PIAS1: variants seen among roughly 807,000 people sequenced by gnomAD.
PIAS1 encodes the protein protein inhibitor of activated STAT 1.
A neutral mutation model predicts 71.3 loss-of-function variants in PIAS1; 6 were observed. The ratio of observed to expected loss-of-function variants is 0.08; its 90% confidence interval spans 0.05 to 0.17. PIAS1 has a LOEUF of 0.17. Among genes scored for constraint, PIAS1 ranks in the 10% least tolerant of loss-of-function variants. The pLI is 1.00. For missense variants in PIAS1, 555 were observed against 793.6 expected, an observed-to-expected ratio of 0.70 and a Z score of 3.61; for synonymous variants, 303 against 292.9, an observed-to-expected ratio of 1.03 and a Z score of -0.35.
At chr15:68,110,589 T>A (rs1385361090) in intron 2 of PIAS1, among the ~76,000 whole-genome samples, 1 of 151,728 alleles carries the variant, frequency 6.6e-6, no homozygotes, top group Non-Finnish European at 1.5e-5. Context: ...ACAGTGAAAC[T>A]TCTTCTCCAA....
intron 2 of PIAS1, among the ~76,000 whole-genome samples, chr15:68,089,874 A>T (rs1415816343): frequency 1.3e-5 from 2 of 148,722 alleles, no homozygotes; most frequent in Non-Finnish European, 3.0e-5. Flanking sequence ...TTTATTTTTT[A>T]AATTTTATTT....
chr15:68,135,041 G>A (rs1388478216), intron 2 of PIAS1, among the ~76,000 whole-genome samples: 75 of 46,308 alleles, frequency 1.6e-3, no homozygotes, highest in Non-Finnish European at 4.4e-3. Context: ...CAGTAGGGGC[G>A]GCCGGGCAGA....
rs562602395 is a variant in PIAS1 at position 68,154,534 on chromosome 15, T to C, written c.934+839T>C. On this transcript the variant is annotated intron_variant, in intron 7 of 13. Coordinates refer to ENST00000249636, the MANE Select transcript of PIAS1 (RefSeq NM_016166.3). ...TTATCAGATTTGTACTTAGGAACAC[T>C]CTGGTGGAAAGAACTAAGATAATAG... 2.0e-5 allele frequency among the ~76,000 whole-genome samples: 3 copies of C among 152,294 alleles called. No homozygotes were observed. In the East Asian group the frequency reaches 5.8e-4, roughly 29 times the overall value.
intron 1 of PIAS1, among the ~76,000 whole-genome samples, chr15:68,073,988 A>C (rs1222184661): frequency 6.6e-6 from 1 of 152,182 alleles, no homozygotes; most frequent in Non-Finnish European, 1.5e-5. Context: ...GGTGAACAAG[A>C]AGATGGTGTA....
chr15:68,064,772 A>G (rs2091998684), intron 1 of PIAS1, among the ~76,000 whole-genome samples: 1 of 152,232 alleles, frequency 6.6e-6, no homozygotes, highest in Admixed American at 6.5e-5. Flanking sequence ...TTGAATGGAA[A>G]AGTAGATGTG....
intron 2 of PIAS1, among the ~76,000 whole-genome samples, chr15:68,095,576 G>T (rs2092367564): frequency 2.0e-5 from 3 of 149,742 alleles, no homozygotes; most frequent in Admixed American, 6.7e-5. Flanking sequence ...TGTCACCCAG[G>T]TTGGAGTGCA....
chr15:68,121,539 C>T (rs2092613611), intron 2 of PIAS1, among the ~76,000 whole-genome samples: 1 of 151,924 alleles, frequency 6.6e-6, no homozygotes, highest in African/African-American at 2.4e-5. Context: ...TAAATTCTCT[C>T]TTCTCTTGCT....
chr15:68,165,947 C>T (rs1231698752), intron 8 of PIAS1, among the ~76,000 whole-genome samples: 1 of 151,972 alleles, frequency 6.6e-6, no homozygotes, highest in Non-Finnish European at 1.5e-5. Context: ...TCCTATTAAT[C>T]TCAGATGATG....
intron 2 of PIAS1, among the ~76,000 whole-genome samples, chr15:68,113,506 C>T (rs1567047332): frequency 1.3e-5 from 2 of 152,164 alleles, no homozygotes; most frequent in Admixed American, 1.3e-4. Context: ...GGACTTAAAA[C>T]AGCCTAATGG....
At chr15:68,165,958 A>G (rs1033317072) in intron 8 of PIAS1, among the ~76,000 whole-genome samples, 1 of 152,152 alleles carries the variant, frequency 6.6e-6, no homozygotes, top group African/African-American at 2.4e-5. Context: ...TCAGATGATG[A>G]TGAAGTTACT....
At position 68,131,905 on chromosome 15, in the gene PIAS1, T is replaced by TA. The variant is rs1229506048; in HGVS notation, c.470-10031dup. On this transcript the variant is annotated intron_variant, in intron 2 of 13. Transcript: ENST00000249636. ...ATTGCTGGGTATTTATTTATTAGTT[T>TA]AAAAAAAAAATCCTAGGCTGGGCGT... Among the ~76,000 whole-genome samples the TA allele has an allele frequency of 4.9e-3, 734 of 149,290 alleles. 5 individuals are homozygous for TA. The highest frequency in any genetic ancestry group is 0.016 in the African/African-American group (667 of 40,808).
intron 6 of PIAS1, among the ~76,000 whole-genome samples, chr15:68,147,397 C>T (rs1316034491): frequency 3.3e-5 from 5 of 151,796 alleles, no homozygotes; most frequent in African/African-American, 1.2e-4. Flanking sequence ...AAACTGTATC[C>T]GTGTCTGTTT....
At chr15:68,104,695 G>A (rs1421244822) in intron 2 of PIAS1, among the ~76,000 whole-genome samples, 1 of 152,176 alleles carries the variant, frequency 6.6e-6, no homozygotes, top group Admixed American at 6.5e-5. Flanking sequence ...AAGATATGAT[G>A]TGTTCCTAGC....
chr15:68,159,194 G>A (rs2092909369), intron 7 of PIAS1, among the ~76,000 whole-genome samples: 1 of 152,102 alleles, frequency 6.6e-6, no homozygotes, highest in Non-Finnish European at 1.5e-5. Context: ...CATGTTGACT[G>A]ATTACTGCAG....
chr15:68,146,902 A>G (rs1054113681), intron 6 of PIAS1, among the ~76,000 whole-genome samples: 1 of 152,196 alleles, frequency 6.6e-6, no homozygotes, highest in African/African-American at 2.4e-5. Flanking sequence ...CTTTTACTCC[A>G]CAATTGATCA....
In PIAS1 at chr15:68,178,728, C is replaced by G. The variant is rs138618431; in HGVS notation, c.1481+2074C>G. ...ATGCATCATAATATATATATTTGTT[C>G]TGTTCTTTAGACTATTAATAGTAAT... On this transcript the variant is annotated intron_variant, in intron 11 of 13. Coordinates refer to ENST00000249636, the MANE Select transcript of PIAS1 (RefSeq NM_016166.3). The surrounding 1 kb of genome is among the most constrained non-coding windows in gnomAD (Gnocchi z 4.2). 1.5e-3 allele frequency among the ~76,000 whole-genome samples: 235 copies of G among 151,954 alleles called. No homozygotes were observed. The highest frequency in any genetic ancestry group is 4.9e-3 in the African/African-American group (203 of 41,438).
intron 2 of PIAS1, among the ~76,000 whole-genome samples, chr15:68,103,224 ACCCT>A (rs1457709937): frequency 2.0e-5 from 3 of 151,490 alleles, no homozygotes; most frequent in African/African-American, 7.3e-5. Context: ...ACTCTGCCTG[ACCCT>A]TCTTTGATTT....
rs578054043 is a variant in PIAS1, at chr15:68,193,205, G to A, written c.*5370G>A. On this transcript the variant is annotated 3_prime_UTR_variant, in exon 14 of 14. Coordinates refer to ENST00000249636, the MANE Select transcript of PIAS1 (RefSeq NM_016166.3). ...GTTAACAGAGCCCAGGGAACAGCTC[G>A]GAATTCTCACAGCATTGGAAGCCCC... 1.8e-4 allele frequency: 28 copies of A among 152,514 alleles called. No homozygotes were observed. Among genetic ancestry groups the A allele is most frequent in the African/African-American group, 5.5e-4 (23 of 41,594 alleles). 9.4% of individuals were successfully genotyped at this position (152,514 alleles called of 1,614,324 possible). A position where few individuals can be genotyped will look rare whatever the true frequency, so the allele number is the denominator to read the frequency against.
chr15:68,085,648 C>T (rs1275737507), intron 1 of PIAS1, among the ~76,000 whole-genome samples: 1 of 152,164 alleles, frequency 6.6e-6, no homozygotes, highest in Non-Finnish European at 1.5e-5. Flanking sequence ...AGTTATCTAA[C>T]CTTTCTGAAC....
Sources: allele counts gnomAD v4.1 joint callset (sites outside exome capture counted in the v4.1 genomes callset), GRCh38; gene constraint gnomAD v4.1.1; non-coding constraint Gnocchi (gnomAD v3.1); transcripts MANE v1.5; gene names NCBI Gene and HGNC (gene_info 2026-07-23, HGNC 2026-07-21).